Variants in AGMO observed in about 807,000 individuals in gnomAD.
AGMO encodes the protein glyceryl-ether monooxygenase.
In AGMO, 75 loss-of-function variants were observed where a neutral mutation model predicts 60.2. That is an observed-to-expected ratio of 1.25 (90% CI 1.03 to 1.51). The LOEUF is 1.51. Ranked by LOEUF, AGMO falls within the 40% of genes most tolerant of loss-of-function variation. The probability of loss-of-function intolerance (pLI) is 0.00; values close to 1 mark genes in which losing one functional copy is unlikely to be tolerated. For missense variants in AGMO, 763 were observed against 525.5 expected, an observed-to-expected ratio of 1.45 and a Z score of -4.42; for synonymous variants, 261 against 177.1, an observed-to-expected ratio of 1.47 and a Z score of -3.76.
At chr7:15,148,603 T>G in the AGMO span, among the ~76,000 whole-genome samples, 1 of 152,164 alleles carries the variant, frequency 6.6e-6, no homozygotes, top group African/African-American at 2.4e-5. Flanking sequence ...TTCTGTCCTT[T>G]TGTTAATTTG....
chr7:15,447,010 T>C (rs1443833986), intron 3 of AGMO, among the ~76,000 whole-genome samples: 1 of 152,232 alleles, frequency 6.6e-6, no homozygotes, highest in Non-Finnish European at 1.5e-5. Flanking sequence ...CTCAAAGCTC[T>C]TAGTAGTTGG....
intron 12 of AGMO, among the ~76,000 whole-genome samples, chr7:15,339,357 T>C (rs929799008): frequency 2.0e-5 from 3 of 152,216 alleles, no homozygotes; most frequent in African/African-American, 4.8e-5. Flanking sequence ...ATTTTTTTAA[T>C]TTGAAGACAT....
At chr7:15,466,616 G>C (rs575319147) in intron 3 of AGMO, among the ~76,000 whole-genome samples, 11 of 152,246 alleles carry the variant, frequency 7.2e-5, no homozygotes, top group Non-Finnish European at 4.4e-5. Context: ...ACCTAGGTTT[G>C]AATATCTGCT....
rs1781625166 is a variant in AGMO, at chr7:15,212,553, T to C, written c.1264-11194A>G. 1.3e-5 allele frequency among the ~76,000 whole-genome samples: 2 copies of C among 151,930 alleles called. 1 individual carries two copies. The highest frequency in any genetic ancestry group is 1.3e-4 in the Admixed American group (2 of 15,222). On this transcript the variant is annotated intron_variant, in intron 12 of 12. Transcript: ENST00000342526. ...GTCATTCAATGAAAAAAGAAAAATA[T>C]TTTACTAAAATGAGATCAATCCCAG...
chr7:15,164,614 T>G, the AGMO span, among the ~76,000 whole-genome samples: 1 of 151,874 alleles, frequency 6.6e-6, no homozygotes, highest in Admixed American at 6.6e-5. Context: ...AACAAACGTA[T>G]GAAAAAATGC....
the AGMO span, among the ~76,000 whole-genome samples, chr7:15,183,153 T>C: frequency 6.6e-6 from 1 of 151,678 alleles, no homozygotes; most frequent in Non-Finnish European, 1.5e-5. Flanking sequence ...AATGATGGCA[T>C]ATATGAGCAA....
chr7:15,534,253 A>G (rs1191129904), intron 3 of AGMO, among the ~76,000 whole-genome samples: 2 of 152,050 alleles, frequency 1.3e-5, no homozygotes, highest in South Asian at 2.1e-4. Flanking sequence ...AAGGACAACA[A>G]AAGACATTTT....
At chr7:15,264,141 T>C (rs1258660865) in intron 12 of AGMO, among the ~76,000 whole-genome samples, 1 of 151,982 alleles carries the variant, frequency 6.6e-6, no homozygotes, top group African/African-American at 2.4e-5. Context: ...TTTAGTGTCA[T>C]ATTTATGAAT....
the AGMO span, among the ~76,000 whole-genome samples, chr7:15,136,333 A>T: frequency 3.3e-5 from 5 of 151,940 alleles, no homozygotes; most frequent in Admixed American, 2.6e-4. Context: ...AAAAAGGGCT[A>T]CAAGCTCCCT....
intron 12 of AGMO, among the ~76,000 whole-genome samples, chr7:15,303,224 C>T (rs1780502510): frequency 6.6e-6 from 1 of 151,882 alleles, no homozygotes; most frequent in African/African-American, 2.4e-5. Flanking sequence ...CTGAAAATAC[C>T]AAGGAGTTTT....
At chr7:15,164,545 C>G in the AGMO span, among the ~76,000 whole-genome samples, 51 of 151,792 alleles carry the variant, frequency 3.4e-4, no homozygotes, top group African/African-American at 1.2e-3. Context: ...ACAAAAACAC[C>G]CCATTAAAAG....
intron 12 of AGMO, among the ~76,000 whole-genome samples, chr7:15,253,617 C>G (rs910572324): frequency 6.6e-6 from 1 of 151,992 alleles, no homozygotes; most frequent in Non-Finnish European, 1.5e-5. Flanking sequence ...GTGTTGTTTC[C>G]ATATGTCTAC....
intron 12 of AGMO, among the ~76,000 whole-genome samples, chr7:15,333,073 T>G (rs1383263578): frequency 1.3e-5 from 2 of 152,142 alleles, no homozygotes; most frequent in Non-Finnish European, 2.9e-5. Context: ...TGAACTCAAC[T>G]CTATTTTATC....
At chr7:15,179,784 G>A in the AGMO span, among the ~76,000 whole-genome samples, 1 of 152,158 alleles carries the variant, frequency 6.6e-6, no homozygotes, top group South Asian at 2.1e-4. Flanking sequence ...CCAGGTGGAG[G>A]CAGCTATACC....
At chr7:15,131,304 A>G in the AGMO span, among the ~76,000 whole-genome samples, 1 of 152,192 alleles carries the variant, frequency 6.6e-6, no homozygotes, top group Admixed American at 6.5e-5. Context: ...AACTTAAAAT[A>G]TAACAGGATG....
At chr7:15,356,307 T>C (rs1782527385) in intron 12 of AGMO, among the ~76,000 whole-genome samples, 1 of 152,106 alleles carries the variant, frequency 6.6e-6, no homozygotes, top group Non-Finnish European at 1.5e-5. Context: ...CACTAGAGAA[T>C]AGACAGATAT....
At chr7:15,400,721 A>C (rs1251025784) in intron 5 of AGMO, among the ~76,000 whole-genome samples, 1 of 152,200 alleles carries the variant, frequency 6.6e-6, no homozygotes, top group Non-Finnish European at 1.5e-5. Flanking sequence ...GAGCCAAAAC[A>C]AACAAACAAA....
chr7:15,182,957 A>T, the AGMO span, among the ~76,000 whole-genome samples: 1 of 151,954 alleles, frequency 6.6e-6, no homozygotes, highest in African/African-American at 2.4e-5. Context: ...ATTTTTAAAC[A>T]ACCGTATCTC....
chr7:15,210,945 C>A (rs1583294687), intron 12 of AGMO, among the ~76,000 whole-genome samples: 1 of 151,974 alleles, frequency 6.6e-6, no homozygotes, highest in South Asian at 2.1e-4. Context: ...AAACTTAAAG[C>A]TATTTTACAG....
Sources: allele counts gnomAD v4.1 joint callset (sites outside exome capture counted in the v4.1 genomes callset), GRCh38; gene constraint gnomAD v4.1.1; transcripts MANE v1.5; gene names NCBI Gene and HGNC (gene_info 2026-07-23, HGNC 2026-07-21).